The following NRXN2 variants were observed in gnomAD, a reference collection of about 807,000 sequenced individuals.
NRXN2 encodes the protein neurexin-2-beta.
A neutral mutation model predicts 128.8 loss-of-function variants in NRXN2; 29 were observed. The ratio of observed to expected loss-of-function variants is 0.23; its 90% CI spans 0.17 to 0.31. The LOEUF (loss-of-function observed/expected upper bound fraction) is 0.31, where lower values mean the gene tolerates loss of function less well. Among genes scored for constraint, NRXN2 ranks in the 10% least tolerant of loss-of-function variants. The pLI, the probability that NRXN2 is intolerant of heterozygous loss-of-function variation, is 1.00. For synonymous variants in NRXN2, 1,098 were observed against 1,075.2 expected (o/e 1.02, Z -0.41); for missense variants, 1,881 against 2,452.6 (o/e 0.77, Z 4.92).
intron 18 of NRXN2, among the ~76,000 whole-genome samples, chr11:64,633,423 G>A (rs1186125623): frequency 6.6e-6 from 1 of 152,150 alleles, no homozygotes; most frequent in Non-Finnish European, 1.5e-5. Flanking sequence ...CTCCATAGAT[G>A]GGCTAACTGA....
rs749513408 is a variant in NRXN2, at chr11:64,650,521, G to A, written c.3036C>T (p.Asn1012=). The A allele has an allele frequency of 3.7e-6, 6 of 1,614,220 alleles. No homozygotes were observed. The highest frequency in any genetic ancestry group is 2.2e-5 in the East Asian group (1 of 44,878). The change falls in exon 15 of 23, where the codon AAC becomes AAT. Residue 1012 remains asparagine (N), a synonymous_variant. Coordinates refer to ENST00000265459, the MANE Select transcript of NRXN2 (RefSeq NM_015080.4). ...HNVVVSRDPG[N]VHTLKIDSRT... The stretch of plus-strand genomic sequence containing the variant: ...GGGAGTCAATCTTGAGCGTGTGCAC[G>A]TTGCCTGGGTCCCTGGACACCACCA...
At chr11:64,645,604 T>G (rs186128478) in intron 17 of NRXN2, among the ~76,000 whole-genome samples, 103 of 152,232 alleles carry the variant, frequency 6.8e-4, no homozygotes, top group African/African-American at 2.4e-3. Flanking sequence ...CTGTCCACTT[T>G]CCTCCATCTC....
At chr11:64,684,549 A>T (rs1345191110) in intron 6 of NRXN2, among the ~76,000 whole-genome samples, 1 of 152,126 alleles carries the variant, frequency 6.6e-6, no homozygotes, top group African/African-American at 2.4e-5. Context: ...AGTGGCATTA[A>T]TGAGAGGTAT....
intron 6 of NRXN2, among the ~76,000 whole-genome samples, chr11:64,681,548 T>C (rs1276320017): frequency 6.6e-6 from 1 of 152,208 alleles, no homozygotes; most frequent in African/African-American, 2.4e-5. Context: ...ATACAACTAA[T>C]TCGTGCCAGG....
chr11:64,622,934 A>G lies in NRXN2; in HGVS notation c.3992T>C (p.Val1331Ala). 1 of 1,613,306 alleles carries G rather than the reference A, an allele frequency of 6.2e-7. No individual in the cohort carries two copies. Among genetic ancestry groups the G allele is most frequent in the South Asian group, 1.1e-5 (1 of 90,982 alleles). Residue 1331 changes from valine (V) to alanine (A), a missense_variant, in exon 21 of 23, where the codon GTG becomes GCG. Val to Ala is a moderately conservative substitution (Grantham distance 64). Around this residue, in one of 7 missense-constraint regions of NRXN2, gnomAD observed 108 missense variants for 165.2 expected, o/e 0.65. Coordinates refer to ENST00000265459, the MANE Select transcript of NRXN2 (RefSeq NM_015080.4). The surrounding 1 kb of genome is among the most constrained non-coding windows in gnomAD (Gnocchi z 4.3). ...LALAAESDPN[V>A]RTEGHLRLVG... The stretch of plus-strand genomic sequence containing the variant: ...CAGGCGCAGGTGACCCTCAGTCCGC[A>G]CATTGGGGTCGCTCTCGGCGGCCAG...
rs771995673 is a variant in NRXN2, at chr11:64,666,853, G to A, written c.1798+397C>T. On this transcript the variant is annotated intron_variant, in intron 9 of 22. Coordinates refer to ENST00000265459, the MANE Select transcript of NRXN2 (RefSeq NM_015080.4). ...GCTGGGATTACAGGCATGAGGCATCGCACCCGGCCGGAAGATATATTCTTA... is the reference window on the plus strand; with the variant it reads ...GCTGGGATTACAGGCATGAGGCATCACACCCGGCCGGAAGATATATTCTTA... Among the ~76,000 whole-genome samples, 15 of 152,226 alleles carry A rather than the reference G, an allele frequency of 9.9e-5. No individual in the cohort carries two copies. In the South Asian group the frequency reaches 1.7e-3, roughly 17 times the overall value.
At chr11:64,608,184 G>A (rs945910265) in intron 22 of NRXN2, 102 bp from the exon 23 acceptor site, 3 of 908,192 alleles carry the variant, frequency 3.3e-6, no homozygotes, top group Non-Finnish European at 5.2e-6. Flanking sequence ...ACCCAAATCG[G>A]TTCCAATTGG....
chr11:64,635,238 T>C lies in NRXN2; in HGVS notation c.3585+33A>G. 6.2e-7 allele frequency: 1 copy of C among 1,609,688 alleles called. No homozygotes were observed. ...TGAACTGATTTGGGAGCAGGAAGCT[T>C]GAGGTTGAAGGGTTGGGGCCCAGGG... On this transcript the variant is annotated intron_variant, in intron 18 of 22. Coordinates refer to ENST00000265459, the MANE Select transcript of NRXN2 (RefSeq NM_015080.4). This position sits in a 1 kb window ranked among gnomAD's most constrained non-coding sequence, Gnocchi z 4.8.
At chr11:64,634,598 G>C (rs2044413296) in intron 18 of NRXN2, among the ~76,000 whole-genome samples, 1 of 152,136 alleles carries the variant, frequency 6.6e-6, no homozygotes, top group South Asian at 2.1e-4. Context: ...TCCCTGTGGA[G>C]CTGAGCAGAG....
chr11:64,676,474 G>A (rs1241058301), intron 7 of NRXN2: 2 of 169,276 alleles, frequency 1.2e-5, no homozygotes, highest in Non-Finnish European at 2.5e-5. Context: ...CTCACCCCCA[G>A]ACCCCTCCTC....
intron 7 of NRXN2, among the ~76,000 whole-genome samples, chr11:64,670,236 G>C (rs1313918952): frequency 6.6e-6 from 1 of 152,114 alleles, no homozygotes; most frequent in Non-Finnish European, 1.5e-5. Context: ...GGGTGTCTTT[G>C]TGGAAAGGGG....
chr11:64,697,938 G>T, intron 2 of NRXN2, 146 bp from the exon 3 acceptor site: 1 of 859,222 alleles, frequency 1.2e-6, no homozygotes, highest in Non-Finnish European at 1.9e-6. Flanking sequence ...CAATGTGGAA[G>T]GCCCAAATCT....
At chr11:64,621,722 C>T (rs2042375853) in intron 21 of NRXN2, among the ~76,000 whole-genome samples, 1 of 152,204 alleles carries the variant, frequency 6.6e-6, no homozygotes, top group African/African-American at 2.4e-5. Flanking sequence ...GGCTGCCAGA[C>T]AGGGCGATGG....
chr11:64,607,274 C>G lies in NRXN2; in HGVS notation c.5061G>C (p.Val1687=). The part of the protein sequence containing the change: ...ISNSAQSNGA[V]VKEKAPAAPK... The stretch of plus-strand genomic sequence containing the variant: ...GGGCAGCCGGGGCCTTCTCTTTCAC[C>G]ACCGCCCCATTGCTCTGGGCCGAGT... The change falls in exon 23 of 23, where the codon GTG becomes GTC. Residue 1687 remains valine (V), a synonymous_variant. Coordinates refer to ENST00000265459, the MANE Select transcript of NRXN2 (RefSeq NM_015080.4). 6.2e-7 allele frequency: 1 copy of G among 1,613,966 alleles called. No individual in the cohort carries two copies.
intron 2 of NRXN2, among the ~76,000 whole-genome samples, chr11:64,700,347 A>C (rs1480487590): frequency 6.6e-6 from 1 of 152,098 alleles, no homozygotes; most frequent in African/African-American, 2.4e-5. Context: ...CCTACAACCA[A>C]GTGCTTATTC....
In NRXN2 at chr11:64,631,494, T is replaced by G. The variant is rs1344702193; in HGVS notation, c.3586-921A>C. ...AGGGAGGGCTTCACCAAACCCTAAA[T>G]CATGCCAGGCCCTGAGTGGGTACTG... On this transcript the variant is annotated intron_variant, in intron 18 of 22. Coordinates refer to ENST00000265459, the MANE Select transcript of NRXN2 (RefSeq NM_015080.4). The surrounding 1 kb of genome is among the most constrained non-coding windows in gnomAD (Gnocchi z 4.8). Among the ~76,000 whole-genome samples, 1 of 151,894 alleles carries G rather than the reference T, an allele frequency of 6.6e-6. No individual in the cohort carries two copies. The highest frequency in any genetic ancestry group is 1.9e-4 in the East Asian group (1 of 5,176).
chr11:64,678,041 T>C (rs540205953), intron 6 of NRXN2, among the ~76,000 whole-genome samples: 44 of 152,254 alleles, frequency 2.9e-4, no homozygotes, highest in African/African-American at 1.0e-3. Flanking sequence ...TTCCTGGGGA[T>C]GGAGAACACG....
rs922053599 is a variant in NRXN2, at chr11:64,623,815, G to A, written c.3848-737C>T. On this transcript the variant is annotated intron_variant, in intron 20 of 22. Coordinates refer to ENST00000265459, the MANE Select transcript of NRXN2 (RefSeq NM_015080.4). The surrounding 1 kb of genome is among the most constrained non-coding windows in gnomAD (Gnocchi z 4.9). ...AGCACAGAAGTGGAAAATGTTAAAG[G>A]GACCTTGCTTCGCTCACTGACAGCC... 1 of 152,428 alleles carries A rather than the reference G, an allele frequency of 6.6e-6. No homozygotes were observed. Among genetic ancestry groups the A allele is most frequent in the Non-Finnish European group, 1.5e-5 (1 of 68,270 alleles). 9.4% of individuals were successfully genotyped at this position (152,428 alleles called of 1,614,324 possible). A position where few individuals can be genotyped will look rare whatever the true frequency, so the allele number is the denominator to read the frequency against.
In NRXN2 at chr11:64,626,425, A is replaced by T; in HGVS notation, c.3847+38T>A. 4.0e-6 allele frequency: 6 copies of T among 1,495,554 alleles called. No individual in the cohort carries two copies. The South Asian group carries it at 6.9e-5, about 17-fold the overall frequency. 92.6% of individuals were successfully genotyped at this position (1,495,554 alleles called of 1,614,324 possible). A position where few individuals can be genotyped will look rare whatever the true frequency, so the allele number is the denominator to read the frequency against. Reference sequence around the variant, plus strand: ...TCTGCACCTTTAAGATAGTGTTTTTAAAGTTAATTAATTAATTAATTAATT... The same window carrying T: ...TCTGCACCTTTAAGATAGTGTTTTTTAAGTTAATTAATTAATTAATTAATT... On this transcript the variant is annotated intron_variant, in intron 20 of 22. Coordinates refer to ENST00000265459, the MANE Select transcript of NRXN2 (RefSeq NM_015080.4).
Sources: gnomAD v4.1 joint callset for allele counts (sites outside exome capture counted in the v4.1 genomes callset) on GRCh38, gnomAD v4.1.1 for gene constraint, gnomAD v4.1.1 regional missense constraint, Gnocchi (gnomAD v3.1) non-coding constraint, MANE v1.5 for transcripts, NCBI Gene and HGNC (gene_info 2026-07-23, HGNC 2026-07-21) for gene names.